TENM2: variants seen among roughly 807,000 people sequenced by gnomAD.
The protein encoded by TENM2 is teneurin transmembrane protein 2, also known as teneurin-2.
In TENM2, 52 loss-of-function variants were observed where a neutral mutation model predicts 245.2. The observed-to-expected ratio is 0.21, with a 90% CI of 0.17 to 0.27. The LOEUF is 0.27. TENM2 is among the 10% of genes least tolerant of loss of function. TENM2 has a pLI of 1.00. For missense variants in TENM2, 3,046 were observed against 3,666.8 expected (o/e 0.83, Z 4.37); for synonymous variants, 1,363 against 1,438.9 (o/e 0.95, Z 1.19).
chr5:167,499,650 T>C (rs982507418), intron 2 of TENM2, among the ~76,000 whole-genome samples: 2 of 152,118 alleles, frequency 1.3e-5, no homozygotes, highest in African/African-American at 4.8e-5. Context: ...CCAAGGCTGG[T>C]TGTCCTGAGA....
At chr5:167,595,184 G>A (rs942346668) in intron 2 of TENM2, among the ~76,000 whole-genome samples, 54 of 152,192 alleles carry the variant, frequency 3.5e-4, no homozygotes, top group Admixed American at 3.5e-3. Context: ...TATTAAAAAG[G>A]GAAAAGGAGG....
intron 13 of TENM2, chr5:168,165,823 G>C (rs1758242664): frequency 6.7e-6 from 1 of 150,136 alleles, no homozygotes; most frequent in African/African-American, 2.4e-5. Flanking sequence ...AAGGCTGCAT[G>C]GTGTTTATGA....
chr5:167,035,050 T>G, the TENM2 span, among the ~76,000 whole-genome samples: 1 of 152,172 alleles, frequency 6.6e-6, no homozygotes, highest in African/African-American at 2.4e-5. Flanking sequence ...TGCATTCAGG[T>G]ACCCAGCTGC....
chr5:167,019,970 A>G, the TENM2 span, among the ~76,000 whole-genome samples: 30 of 152,298 alleles, frequency 2.0e-4, no homozygotes, highest in African/African-American at 6.7e-4. Flanking sequence ...AAAAAAATGA[A>G]TAATGAGAAA....
intron 2 of TENM2, among the ~76,000 whole-genome samples, chr5:167,859,374 G>A (rs1771453435): frequency 2.0e-5 from 3 of 149,446 alleles, no homozygotes; most frequent in African/African-American, 7.4e-5. Context: ...GTCCGGGAGG[G>A]AGGTGGGGGG....
intron 3 of TENM2, among the ~76,000 whole-genome samples, chr5:167,921,580 A>C (rs998675261): frequency 2.0e-5 from 3 of 152,170 alleles, no homozygotes; most frequent in African/African-American, 7.2e-5. Flanking sequence ...CCCTGAATTA[A>C]AGTCAGCCTC....
intron 25 of TENM2, among the ~76,000 whole-genome samples, chr5:168,237,948 T>C (rs967626866): frequency 2.7e-4 from 41 of 151,354 alleles, no homozygotes; most frequent in African/African-American, 6.8e-4. Context: ...CAAGACCATC[T>C]TGGCTAACAC....
intron 2 of TENM2, among the ~76,000 whole-genome samples, chr5:167,445,335 AT>A (rs1765115768): frequency 1.7e-5 from 1 of 59,192 alleles, no homozygotes; most frequent in East Asian, 4.9e-4. Context: ...ATATATATAT[AT>A]AGAGAGAGAG....
At chr5:167,408,825 G>GTA (rs1762761803) in intron 2 of TENM2, among the ~76,000 whole-genome samples, 1 of 149,692 alleles carries the variant, frequency 6.7e-6, no homozygotes, top group Non-Finnish European at 1.5e-5. Flanking sequence ...TATCTATAGT[G>GTA]TATATATATG....
At chr5:167,080,271 A>AT in the TENM2 span, among the ~76,000 whole-genome samples, 3 of 151,972 alleles carry the variant, frequency 2.0e-5, no homozygotes, top group African/African-American at 4.8e-5. Flanking sequence ...ATTATCAGAG[A>AT]TTTTTTTTCT....
At chr5:167,286,233 C>T (rs1279604240) in intron 1 of TENM2, among the ~76,000 whole-genome samples, 1 of 152,148 alleles carries the variant, frequency 6.6e-6, no homozygotes, top group Non-Finnish European at 1.5e-5. Flanking sequence ...AATTGTGTTT[C>T]CATTGCCATT....
At chr5:167,329,374 T>G (rs1315152968) in intron 1 of TENM2, among the ~76,000 whole-genome samples, 3 of 135,608 alleles carry the variant, frequency 2.2e-5, no homozygotes, top group Non-Finnish European at 4.7e-5. Context: ...TGAAACCCCA[T>G]CTCTACTAAA....
chr5:167,597,752 T>G (rs1242226806), intron 2 of TENM2, among the ~76,000 whole-genome samples: 2 of 152,128 alleles, frequency 1.3e-5, no homozygotes, highest in Admixed American at 1.3e-4. Context: ...AACTTATATA[T>G]GCATGTCATA....
intron 1 of TENM2, among the ~76,000 whole-genome samples, chr5:167,374,761 C>A (rs988660136): frequency 6.6e-6 from 1 of 151,948 alleles, no homozygotes; most frequent in African/African-American, 2.4e-5. Context: ...ATCCTCTGGT[C>A]CCCGGTTTCC....
the TENM2 span, among the ~76,000 whole-genome samples, chr5:167,031,416 C>T: frequency 6.6e-6 from 1 of 152,184 alleles, no homozygotes; most frequent in African/African-American, 2.4e-5. Flanking sequence ...TTAGTAAACG[C>T]AGTCATCTGA....
chr5:167,495,741 G>A (rs1263967871), intron 2 of TENM2, among the ~76,000 whole-genome samples: 1 of 151,986 alleles, frequency 6.6e-6, no homozygotes, highest in African/African-American at 2.4e-5. Context: ...CGTTCATGGT[G>A]TGCTACCTAA....
At chr5:167,344,307 CACATATATATAT>C in intron 1 of TENM2, among the ~76,000 whole-genome samples, 1 of 63,424 alleles carries the variant, frequency 1.6e-5, no homozygotes, top group East Asian at 3.0e-4. Flanking sequence ...CACACACACA[CACATATATATAT>C]ATATATATAT....
At chr5:168,184,112 A>C (rs1022593880) in intron 13 of TENM2, among the ~76,000 whole-genome samples, 1 of 152,198 alleles carries the variant, frequency 6.6e-6, no homozygotes, top group South Asian at 2.1e-4. Context: ...CTAACTTTCT[A>C]TCATCACTGA....
Position 167,930,035 on chromosome 5 carries a change from C to T in TENM2, c.713-22553C>T, listed in dbSNP as rs1309281098. ...CCCAAAGCATTACAGATGTCTGGTA[C>T]AAGCGGAACCCATATTAATGGTTAT... On this transcript the variant is annotated intron_variant, in intron 3 of 28. Transcript: ENST00000518659. Among the ~76,000 whole-genome samples the T allele has an allele frequency of 6.6e-5, 10 of 152,338 alleles. No individual in the cohort carries two copies. In the East Asian group the frequency reaches 1.5e-3, roughly 24 times the overall value.
Sources: gnomAD v4.1 joint callset for allele counts (sites outside exome capture counted in the v4.1 genomes callset) on GRCh38, gnomAD v4.1.1 for gene constraint, MANE v1.5 for transcripts, NCBI Gene and HGNC (gene_info 2026-07-23, HGNC 2026-07-21) for gene names.